The following EGFLAM variants were observed in gnomAD, a reference collection of about 807,000 sequenced individuals.
EGFLAM encodes EGF like, fibronectin type III and laminin G domains.
EGFLAM carries 79 observed loss-of-function variants against 113.1 expected under a neutral mutation model. The ratio of observed to expected loss-of-function variants is 0.70; its 90% CI spans 0.58 to 0.84. The LOEUF is 0.84. Among genes scored for constraint, EGFLAM ranks in the 40% least tolerant of loss-of-function variants. The pLI is 0.00. For synonymous variants in EGFLAM, 504 were observed against 487.6 expected, an observed-to-expected ratio of 1.03 and a Z score of -0.44; for missense variants, 1,265 against 1,291.6, an observed-to-expected ratio of 0.98 and a Z score of 0.32.
intron 18 of EGFLAM, among the ~76,000 whole-genome samples, chr5:38,449,133 G>A (rs1337876308): frequency 1.3e-5 from 2 of 152,116 alleles, no homozygotes; most frequent in East Asian, 3.8e-4. Flanking sequence ...GTTCTTTGTG[G>A]TTTCTAGTGT....
At chr5:38,411,696 T>C (rs1741485555) in intron 10 of EGFLAM, among the ~76,000 whole-genome samples, 1 of 152,030 alleles carries the variant, frequency 6.6e-6, no homozygotes, top group African/African-American at 2.4e-5. Context: ...TTGGCCAGGA[T>C]GGTATCGAAC....
chr5:38,331,266 C>T (rs1400195644), intron 1 of EGFLAM, among the ~76,000 whole-genome samples: 1 of 152,102 alleles, frequency 6.6e-6, no homozygotes, highest in African/African-American at 2.4e-5. Context: ...ACCCAAAGGC[C>T]ATAGTTTACA....
intron 1 of EGFLAM, among the ~76,000 whole-genome samples, chr5:38,303,179 C>A (rs1485910439): frequency 2.0e-5 from 3 of 152,176 alleles, no homozygotes; most frequent in Non-Finnish European, 4.4e-5. Context: ...TTCCCCAAAT[C>A]TGAGTTGTCT....
intron 1 of EGFLAM, among the ~76,000 whole-genome samples, chr5:38,298,771 G>A (rs946224424): frequency 6.6e-5 from 10 of 152,032 alleles, no homozygotes; most frequent in African/African-American, 2.4e-4. Context: ...TGTAATCATG[G>A]CTCACTGTAG....
At chr5:38,339,316 G>C (rs1739273007) in intron 3 of EGFLAM, among the ~76,000 whole-genome samples, 1 of 151,824 alleles carries the variant, frequency 6.6e-6, no homozygotes, top group Admixed American at 6.6e-5. Flanking sequence ...AAGGTCTCTT[G>C]AGTGAATTTT....
chr5:38,291,149 C>T (rs1402221506), intron 1 of EGFLAM, among the ~76,000 whole-genome samples: 1 of 152,170 alleles, frequency 6.6e-6, no homozygotes, highest in Non-Finnish European at 1.5e-5. Flanking sequence ...TGTGGTGTCT[C>T]GCATAGCAGG....
chr5:38,299,724 T>G (rs2111821621), intron 1 of EGFLAM, among the ~76,000 whole-genome samples: 1 of 152,188 alleles, frequency 6.6e-6, no homozygotes, highest in African/African-American at 2.4e-5. Flanking sequence ...GAGCATGACG[T>G]CTCCCCCACT....
chr5:38,299,079 A>G (rs1449596064), intron 1 of EGFLAM, among the ~76,000 whole-genome samples: 1 of 152,180 alleles, frequency 6.6e-6, no homozygotes, highest in East Asian at 1.9e-4. Context: ...AAGATAAGGA[A>G]ATGACCCCTG....
At chr5:38,438,247 G>A (rs528771076) in intron 16 of EGFLAM, 28 bp from the exon 17 acceptor site, 2 of 1,594,140 alleles carry the variant, frequency 1.3e-6, no homozygotes, top group East Asian at 4.5e-5. Context: ...CTTAATTCCT[G>A]AATTTCTTTA....
Position 38,400,518 on chromosome 5 carries a change from G to A in EGFLAM, c.713-5608G>A, listed in dbSNP as rs371399567. 2.1e-4 allele frequency among the ~76,000 whole-genome samples: 32 copies of A among 152,200 alleles called. 2 individuals are homozygous for A. The East Asian group carries it at 2.5e-3, about 12-fold the overall frequency. ...AGAATTCTTATCACTGGCTTGGACC[G>A]TACATTCTGTGCTCACTTAGAAATA... On this transcript the variant is annotated intron_variant, in intron 6 of 21. Coordinates refer to ENST00000322350, the MANE Select transcript of EGFLAM (RefSeq NM_152403.4).
chr5:38,392,202 T>C (rs182546592), intron 6 of EGFLAM, among the ~76,000 whole-genome samples: 1 of 152,214 alleles, frequency 6.6e-6, no homozygotes, highest in Non-Finnish European at 1.5e-5. Flanking sequence ...AGTGAGAACA[T>C]GAAGTATTTG....
At chr5:38,422,802 T>C (rs1261051196) in intron 12 of EGFLAM, among the ~76,000 whole-genome samples, 1 of 152,172 alleles carries the variant, frequency 6.6e-6, no homozygotes, top group Admixed American at 6.5e-5. Context: ...TAGAAGTATC[T>C]TGCCTGTATT....
chr5:38,276,890 A>C (rs1305994027), intron 1 of EGFLAM, among the ~76,000 whole-genome samples: 2 of 152,202 alleles, frequency 1.3e-5, no homozygotes, highest in Admixed American at 1.3e-4. Context: ...GAACATACCA[A>C]TAATGAGTAA....
intron 6 of EGFLAM, among the ~76,000 whole-genome samples, chr5:38,373,197 A>G (rs1480805061): frequency 6.6e-6 from 1 of 151,298 alleles, no homozygotes; most frequent in African/African-American, 2.5e-5. Flanking sequence ...CTGGAGGAAT[A>G]GTGTCCCCTT....
intron 1 of EGFLAM, among the ~76,000 whole-genome samples, chr5:38,288,464 C>A (rs760650115): frequency 6.6e-6 from 1 of 152,160 alleles, no homozygotes; most frequent in African/African-American, 2.4e-5. Context: ...AGAAGGCCCT[C>A]CTTTCACAAT....
intron 1 of EGFLAM, among the ~76,000 whole-genome samples, chr5:38,309,147 T>C (rs2111852183): frequency 6.6e-6 from 1 of 152,378 alleles, no homozygotes; most frequent in East Asian, 1.9e-4. Flanking sequence ...TTTTGTGTTG[T>C]CTGTATTCTT....
In EGFLAM at chr5:38,435,200, G is replaced by T. The variant is rs983886066; in HGVS notation, c.2230G>T (p.Asp744Tyr). ...CATTGGCGGAGTCCCCAATTATGAT[G>T]ATGTGAAGAAGAACTCGGGTGTCCT... ...IFIGGVPNYD[D>Y]VKKNSGVLKP... is the part of the protein sequence containing the mutation. The change falls in exon 16 of 22, where the codon GAT becomes TAT. Residue 744 changes from aspartate (D) to tyrosine (Y), a missense_variant. Physicochemically the swap from Asp to Tyr is radical, Grantham distance 160 (BLOSUM62 -3). Transcript: ENST00000322350. 1 of 1,614,160 alleles carries T rather than the reference G, an allele frequency of 6.2e-7. No individual in the cohort carries two copies. Among genetic ancestry groups the T allele is most frequent in the Non-Finnish European group, 8.5e-7 (1 of 1,180,018 alleles).
Position 38,435,252 on chromosome 5 carries a change from A to C in EGFLAM, c.2282A>C (p.Lys761Thr). ...VLKPFSGSIQ[K>T]IILNDRTIHV... is the part of the protein sequence containing the mutation. ...AAGCCTTTCAGCGGGAGCATCCAGA[A>C]GGTACAGGCATCTCTTCCTCATGTT... Residue 761 changes from lysine to threonine, a missense_variant and splice_region_variant, in exon 16 of 22, where the codon AAG becomes ACG. Lys to Thr is a moderately conservative substitution (Grantham distance 78, BLOSUM62 -1). Transcript: ENST00000322350. 6.2e-7 allele frequency: 1 copy of C among 1,611,658 alleles called. No individual in the cohort carries two copies. Among genetic ancestry groups the C allele is most frequent in the Non-Finnish European group, 8.5e-7 (1 of 1,177,788 alleles).
rs1221649921 is a variant in EGFLAM at position 38,395,239 on chromosome 5, C to CTTT, written c.713-10868_713-10866dup. On this transcript the variant is annotated intron_variant, in intron 6 of 21. Transcript: ENST00000322350. ...ATAGGTGTGAGCCACCATGCCTAGC[C>CTTT]TTTTTTTTTTTTTTTTTTTTTAGAG... is the stretch of plus-strand genomic sequence containing the variant. 3.7e-3 allele frequency among the ~76,000 whole-genome samples: 427 copies of CTTT among 114,652 alleles called. 9 individuals are homozygous for CTTT. The highest frequency in any genetic ancestry group is 0.013 in the African/African-American group (370 of 27,878). 75.2% of individuals were successfully genotyped at this position (114,652 alleles called of 152,430 possible).
Sources: allele counts gnomAD v4.1 joint callset (sites outside exome capture counted in the v4.1 genomes callset), GRCh38; gene constraint gnomAD v4.1.1; transcripts MANE v1.5; gene names NCBI Gene and HGNC (gene_info 2026-07-23, HGNC 2026-07-21).